LRP8: variants seen among roughly 807,000 people sequenced by gnomAD.
The protein encoded by LRP8 is low-density lipoprotein receptor-related protein 8.
A neutral mutation model predicts 111.6 loss-of-function variants in LRP8; 46 were observed. The ratio of observed to expected loss-of-function variants is 0.41; its 90% CI spans 0.33 to 0.53. LRP8 has a LOEUF of 0.53. LRP8 is among the 20% of genes least tolerant of loss of function. LRP8 has a pLI of 0.20. For synonymous variants in LRP8, 464 were observed against 511.2 expected, an observed-to-expected ratio of 0.91 and a Z score of 1.24; for missense variants, 959 against 1,297.4, an observed-to-expected ratio of 0.74 and a Z score of 4.01.
chr1:53,279,193 T>A lies in LRP8; in HGVS notation c.496+1394A>T, dbSNP rs1207654292. 1.3e-5 allele frequency among the ~76,000 whole-genome samples: 2 copies of A among 151,954 alleles called. No homozygotes were observed. The highest frequency in any genetic ancestry group is 2.9e-5 in the Non-Finnish European group (2 of 67,976). On this transcript the variant is annotated intron_variant, in intron 4 of 18. Coordinates refer to ENST00000306052, the MANE Select transcript of LRP8 (RefSeq NM_004631.5). The surrounding 1 kb of genome is among the most constrained non-coding windows in gnomAD (Gnocchi z 4.4). ...GCCTACGTAGGCCGAGAGACCCTAC[T>A]CCTAGCACTCACAAACGGAAGAAGC... is the stretch of plus-strand genomic sequence containing the variant.
At position 53,271,030 on chromosome 1, in the gene LRP8, G is replaced by A. The variant is rs1242259202; in HGVS notation, c.1250C>T (p.Ala417Val). The A allele has an allele frequency of 1.2e-6, 2 of 1,613,870 alleles. No homozygotes were observed. Among genetic ancestry groups the A allele is most frequent in the African/African-American group, 2.7e-5 (2 of 74,830 alleles). Reference sequence around the variant, plus strand: ...CTCTGCCCTTGGGGTGTTCATACCAGCAGCCTTGCAGTTCTTGGTCAGTAG... The same window carrying A: ...CTCTGCCCTTGGGGTGTTCATACCAACAGCCTTGCAGTTCTTGGTCAGTAG... ...MDLLTKNCKAAAGKSPSLIFT... is the reference protein window; with the variant it reads ...MDLLTKNCKAVAGKSPSLIFT... The change falls in exon 8 of 19, where the codon GCT (alanine) becomes GTT (valine). Residue 417 changes from alanine to valine, a missense_variant and splice_region_variant. By Grantham distance (64) the Ala-to-Val change is moderately conservative (BLOSUM62 0). Coordinates refer to ENST00000306052, the MANE Select transcript of LRP8 (RefSeq NM_004631.5).
chr1:53,253,682 A>T (rs1369445410), intron 16 of LRP8, among the ~76,000 whole-genome samples: 1 of 152,222 alleles, frequency 6.6e-6, no homozygotes. Flanking sequence ...ACTCCAATCA[A>T]AATAATCCTG....
At chr1:53,267,522 G>A (rs1363303318) in intron 8 of LRP8, 1 of 152,152 alleles carries the variant, frequency 6.6e-6, no homozygotes, top group Non-Finnish European at 1.5e-5. Context: ...CATAGCAAGA[G>A]ATGAGCTTCA....
chr1:53,314,744 T>C (rs1653578155), intron 2 of LRP8, among the ~76,000 whole-genome samples: 1 of 152,170 alleles, frequency 6.6e-6, no homozygotes, highest in Admixed American at 6.5e-5. Flanking sequence ...AGGAAACTCC[T>C]GCACTGGGAT....
At chr1:53,271,604 C>T (rs1053247519) in intron 6 of LRP8, among the ~76,000 whole-genome samples, 12 of 152,122 alleles carry the variant, frequency 7.9e-5, no homozygotes, top group African/African-American at 2.9e-4. Flanking sequence ...TCCCCGGCCT[C>T]CCGGCTGGGG....
At position 53,249,515 on chromosome 1, in the gene LRP8, A is replaced by G. The variant is rs1337641560; in HGVS notation, c.2718T>C (p.Cys906=). The change falls in exon 18 of 19, where the codon TGT becomes TGC. Residue 906 remains cysteine, a synonymous_variant. Coordinates refer to ENST00000306052, the MANE Select transcript of LRP8 (RefSeq NM_004631.5). This position sits in a 1 kb window ranked among gnomAD's most constrained non-coding sequence, Gnocchi z 4.1. ...CTTCCGGTTCTCTGGTCTCCCCAAG[A>G]CAGGGCTCTGCCCACAGTGGGCGAT... ...SFDRPLWAEP[C]LGETREPEDP... 6.2e-6 allele frequency: 10 copies of G among 1,612,890 alleles called. No individual in the cohort carries two copies. Among genetic ancestry groups the G allele is most frequent in the Admixed American group, 1.7e-5 (1 of 59,890 alleles).
In LRP8 at chr1:53,317,992, G is replaced by C. The variant is rs1654028436; in HGVS notation, c.244+8881C>G. On this transcript the variant is annotated intron_variant, in intron 2 of 18. Transcript: ENST00000306052. The surrounding 1 kb of genome is among the most constrained non-coding windows in gnomAD (Gnocchi z 4.9). The stretch of plus-strand genomic sequence containing the variant: ...TAGTAAGGCACAGATCCCTGCCCTA[G>C]GCAAGGACTGGCCAGCTCCAGCCCT... Among the ~76,000 whole-genome samples the C allele has an allele frequency of 6.6e-6, 1 of 152,208 alleles. No homozygotes were observed. Among genetic ancestry groups the C allele is most frequent in the African/African-American group, 2.4e-5 (1 of 41,456 alleles).
In LRP8 at chr1:53,250,907, C is replaced by G. The variant is rs774167684; in HGVS notation, c.2504-45G>C. The G allele has an allele frequency of 6.4e-7, 1 of 1,559,786 alleles. No individual in the cohort carries two copies. Among genetic ancestry groups the G allele is most frequent in the South Asian group, 1.1e-5 (1 of 89,848 alleles). ...CACTGGACCTCCAGCAGGCTCCAAC[C>G]CACTGCTCAGACATCTGTACAAGGC... On this transcript the variant is annotated intron_variant, in intron 16 of 18. Transcript: ENST00000306052. This position sits in a 1 kb window ranked among gnomAD's most constrained non-coding sequence, Gnocchi z 4.6.
rs1253925936 is a variant in LRP8, at chr1:53,243,048, A to T, written c.*3970T>A. On this transcript the variant is annotated 3_prime_UTR_variant, in exon 19 of 19. Coordinates refer to ENST00000306052, the MANE Select transcript of LRP8 (RefSeq NM_004631.5). ...TAACCTTCTAAATTCTCCATACCCT[A>T]AAAATACAGTGTGAGAAGTCTGTTA... 1 of 152,136 alleles carries T rather than the reference A, an allele frequency of 6.6e-6. No homozygotes were observed. Among genetic ancestry groups the T allele is most frequent in the South Asian group, 2.1e-4 (1 of 4,834 alleles). The allele number at this position is 152,136 out of a possible 1,614,324, so 9.4% of individuals were successfully genotyped here.
At chr1:53,260,690 A>T in intron 12 of LRP8, 85 bp from the exon 13 acceptor site, 1 of 1,391,062 alleles carries the variant, frequency 7.2e-7, no homozygotes, top group Non-Finnish European at 1.0e-6. Context: ...AACCATAGTC[A>T]CAAGAACTTC....
rs575258513 is a variant in LRP8 at position 53,264,376 on chromosome 1, C to A, written c.1448G>T (p.Ser483Ile). The A allele has an allele frequency of 4.3e-6, 7 of 1,613,918 alleles. No homozygotes were observed. In the African/African-American group the frequency reaches 9.3e-5, roughly 21 times the overall value. ...KIYSAYMDKA[S>I]DPKEQEVLID... is the part of the protein sequence containing the mutation. ...GAGGACCTCCTGCTCTTTCGGGTCACTGGCCTTGTCCATGTAGGCGCTTAA... is the reference window on the plus strand; with the variant it reads ...GAGGACCTCCTGCTCTTTCGGGTCAATGGCCTTGTCCATGTAGGCGCTTAA... The change falls in exon 10 of 19, where the codon AGT (serine) becomes ATT (isoleucine). Residue 483 changes from serine (S) to isoleucine (I), a missense_variant. This residue lies in a region of LRP8 where 819 missense variants were observed against 1,097.6 expected (regional missense o/e 0.75). Coordinates refer to ENST00000306052, the MANE Select transcript of LRP8 (RefSeq NM_004631.5).
intron 2 of LRP8, among the ~76,000 whole-genome samples, chr1:53,320,428 C>T (rs199721184): frequency 2.0e-5 from 3 of 152,312 alleles, no homozygotes; most frequent in East Asian, 1.9e-4. Flanking sequence ...GCCCTACTGA[C>T]GATGGAGCCA....
Position 53,247,028 on chromosome 1 carries a change from C to T in LRP8, c.2882G>A (p.Gly961Glu). 6.2e-7 allele frequency: 1 copy of T among 1,604,212 alleles called. No individual in the cohort carries two copies. Among genetic ancestry groups the T allele is most frequent in the Non-Finnish European group, 8.5e-7 (1 of 1,176,284 alleles). The change falls in exon 19 of 19, where the codon GGA becomes GAA. Residue 961 changes from glycine to glutamate, a missense_variant. This residue lies in a region of LRP8 where 819 missense variants were observed against 1,097.6 expected (regional missense o/e 0.75). Coordinates refer to ENST00000306052, the MANE Select transcript of LRP8 (RefSeq NM_004631.5). Reference sequence around the variant, plus strand: ...GGGGTGATCCCATCCTCAGGGTAGTCCATCATCTTCAAGGCTTAATGCCAC... The same window carrying T: ...GGGGTGATCCCATCCTCAGGGTAGTTCATCATCTTCAAGGCTTAATGCCAC... Reference protein sequence around the residue: ...KRVALSLEDDGLP With the variant: ...KRVALSLEDDELP
rs1028725501 is a variant in LRP8, at chr1:53,285,788, C to T, written c.367+3779G>A. Among the ~76,000 whole-genome samples, 13 of 152,186 alleles carry T rather than the reference C, an allele frequency of 8.5e-5. No individual in the cohort carries two copies. The South Asian group carries it at 1.2e-3, about 15-fold the overall frequency. On this transcript the variant is annotated intron_variant, in intron 3 of 18. Transcript: ENST00000306052. ...CCACTCCCTCTGTGACAGATGCCCCCGGAGGGGACCATATGCCTTTGGCCT... is the reference window on the plus strand; with the variant it reads ...CCACTCCCTCTGTGACAGATGCCCCTGGAGGGGACCATATGCCTTTGGCCT...
intron 2 of LRP8, among the ~76,000 whole-genome samples, chr1:53,324,960 A>G (rs928034419): frequency 2.0e-5 from 3 of 152,218 alleles, no homozygotes; most frequent in Non-Finnish European, 2.9e-5. Flanking sequence ...AGGCATCCTT[A>G]TCTAGAAAGT....
chr1:53,272,081 GTTAT>G (rs988437950), intron 6 of LRP8, among the ~76,000 whole-genome samples: 4 of 152,044 alleles, frequency 2.6e-5, no homozygotes, highest in African/African-American at 9.6e-5. Flanking sequence ...TGTGCTTGTG[GTTAT>G]TTAAGACTCC....
intron 2 of LRP8, among the ~76,000 whole-genome samples, chr1:53,298,523 G>A (rs1386035547): frequency 6.6e-6 from 1 of 152,210 alleles, no homozygotes; most frequent in African/African-American, 2.4e-5. Flanking sequence ...GCCCCACCCT[G>A]GGTTTTGGCA....
At position 53,280,618 on chromosome 1, in the gene LRP8, C is replaced by G; in HGVS notation, c.465G>C (p.Glu155Asp). Residue 155 changes from glutamate (E) to aspartate (D), a missense_variant, in exon 4 of 19, where the codon GAG (glutamate) becomes GAC (aspartate). Around this residue, in one of 3 missense-constraint regions of LRP8, gnomAD observed 819 missense variants for 1,097.6 expected, o/e 0.75. Coordinates refer to ENST00000306052, the MANE Select transcript of LRP8 (RefSeq NM_004631.5). ...CACAGCCGGCCTCATCCGCTCCACCCTCGCAGTCCTTCTCCCCGTCGCAGC... is the reference window on the plus strand; with the variant it reads ...CACAGCCGGCCTCATCCGCTCCACCGTCGCAGTCCTTCTCCCCGTCGCAGC... ...SWRCDGEKDC[E>D]GGADEAGCAT... is the part of the protein sequence containing the mutation. 2 of 1,613,312 alleles carry G rather than the reference C, an allele frequency of 1.2e-6. No homozygotes were observed. The highest frequency in any genetic ancestry group is 1.7e-6 in the Non-Finnish European group (2 of 1,180,040).
At chr1:53,325,844 T>TG (rs1655058060) in intron 2 of LRP8, among the ~76,000 whole-genome samples, 1 of 152,202 alleles carries the variant, frequency 6.6e-6, no homozygotes, top group African/African-American at 2.4e-5. Flanking sequence ...ACGCAGCAGA[T>TG]GCTCCCGAAT....
Sources: gnomAD v4.1 joint callset for allele counts (sites outside exome capture counted in the v4.1 genomes callset) on GRCh38, gnomAD v4.1.1 for gene constraint, gnomAD v4.1.1 regional missense constraint, Gnocchi (gnomAD v3.1) non-coding constraint, MANE v1.5 for transcripts, NCBI Gene and HGNC (gene_info 2026-07-23, HGNC 2026-07-21) for gene names.